The following CHAT variants were observed in gnomAD, a reference collection of about 807,000 sequenced individuals.
CHAT encodes the protein acetyl CoA:choline O-acetyltransferase.
Under a neutral mutation model 76.9 loss-of-function variants are expected in CHAT, and 61 were observed. The ratio of observed to expected loss-of-function variants is 0.79; its 90% CI spans 0.65 to 0.98. The LOEUF is 0.98. CHAT is among the 50% of genes least tolerant of loss of function. The pLI is 0.00. For synonymous variants in CHAT, 407 were observed against 397.4 expected, an observed-to-expected ratio of 1.02 and a Z score of -0.29; for missense variants, 946 against 986.9, an observed-to-expected ratio of 0.96 and a Z score of 0.56.
At chr10:49,650,411 A>G (rs1206298844) in intron 10 of CHAT, among the ~76,000 whole-genome samples, 1 of 152,196 alleles carries the variant, frequency 6.6e-6, no homozygotes, top group African/African-American at 2.4e-5. Flanking sequence ...ACAAAAATAT[A>G]GAAGCTGAAC....
intron 7 of CHAT, among the ~76,000 whole-genome samples, chr10:49,643,313 C>T (rs1289247526): frequency 6.6e-6 from 1 of 152,246 alleles, no homozygotes; most frequent in African/African-American, 2.4e-5. Context: ...CGATCACTCA[C>T]AAGCTCTGCT....
rs1014316815 is a variant in CHAT, at chr10:49,648,566, C to T, written c.1341C>T (p.Gly447=). ...GVVCEHSPFD[G]IVLVQCTEHL... The stretch of plus-strand genomic sequence containing the variant: ...TGTGCGAACACTCCCCATTCGATGG[C>T]ATCGTCCTGGTGCAGTGCACTGAGC... Residue 447 remains glycine, a synonymous_variant, in exon 9 of 15, where the codon GGC becomes GGT. Coordinates refer to ENST00000337653, the MANE Select transcript of CHAT (RefSeq NM_020549.5). 5.6e-6 allele frequency: 9 copies of T among 1,614,030 alleles called. No individual in the cohort carries two copies. Among genetic ancestry groups the T allele is most frequent in the Non-Finnish European group, 7.6e-6 (9 of 1,179,910 alleles).
At chr10:49,615,543 T>G (rs781597916) in intron 1 of CHAT, among the ~76,000 whole-genome samples, 37 of 151,706 alleles carry the variant, frequency 2.4e-4, no homozygotes, top group Non-Finnish European at 4.6e-4. Flanking sequence ...TGGGTAGGGG[T>G]GGTGTTGGGT....
At chr10:49,618,810 G>A (rs1838591979) in intron 2 of CHAT, among the ~76,000 whole-genome samples, 1 of 152,202 alleles carries the variant, frequency 6.6e-6, no homozygotes, top group African/African-American at 2.4e-5. Flanking sequence ...TTCCTCTTGG[G>A]AATTCCTCTG....
At chr10:49,612,268 G>T (rs1296215833), upstream of CHAT, 8 of 1,610,946 alleles carry the variant, frequency 5.0e-6, no homozygotes, top group Non-Finnish European at 6.8e-6. Flanking sequence ...CCAGGACGGC[G>T]AGCCTCGCAG....
At position 49,667,464 on chromosome 10, in the gene CHAT, G is replaced by A. The variant is rs537785421; in HGVS notation, c.*2418G>A. Among the ~76,000 whole-genome samples the A allele has an allele frequency of 6.6e-6, 1 of 152,338 alleles. No homozygotes were observed. The highest frequency in any genetic ancestry group is 2.1e-4 in the South Asian group (1 of 4,828). On this transcript the variant is annotated 3_prime_UTR_variant, in exon 15 of 15. Coordinates refer to ENST00000337653, the MANE Select transcript of CHAT (RefSeq NM_020549.5). The stretch of plus-strand genomic sequence containing the variant: ...ATGCACTGTGAGGGCTATGAGAAGC[G>A]CAAACAGTAAACGCTTGGCAGGAGG...
intron 7 of CHAT, among the ~76,000 whole-genome samples, chr10:49,639,326 T>G (rs752779134): frequency 1.3e-5 from 2 of 152,166 alleles, no homozygotes; most frequent in Non-Finnish European, 2.9e-5. Flanking sequence ...TTCTCTTAGT[T>G]TTCCTCATAT....
intron 7 of CHAT, among the ~76,000 whole-genome samples, chr10:49,633,438 G>C (rs1254091514): frequency 1.3e-5 from 2 of 152,162 alleles, no homozygotes; most frequent in African/African-American, 2.4e-5. Context: ...GGCTATGTCT[G>C]TCTCCTTTAG....
intron 13 of CHAT, among the ~76,000 whole-genome samples, chr10:49,658,667 C>T (rs578232192): frequency 6.6e-6 from 1 of 152,338 alleles, no homozygotes; most frequent in South Asian, 2.1e-4. Context: ...TGAGATTGCA[C>T]CACTGCACTC....
chr10:49,640,868 CT>C (rs1839456031), intron 7 of CHAT, among the ~76,000 whole-genome samples: 3 of 152,210 alleles, frequency 2.0e-5, no homozygotes, highest in Non-Finnish European at 4.4e-5. Context: ...TTGTTTTTAA[CT>C]ATACCCACTT....
intron 7 of CHAT, among the ~76,000 whole-genome samples, chr10:49,633,412 AC>A (rs1839190715): frequency 6.6e-6 from 1 of 151,954 alleles, no homozygotes; most frequent in Non-Finnish European, 1.5e-5. Context: ...TTTTATTCCC[AC>A]TGAACCGAGG....
upstream of CHAT, chr10:49,610,351 A>ACGGG (rs2132684403): frequency 5.1e-6 from 1 of 197,840 alleles, no homozygotes; most frequent in African/African-American, 2.3e-5. Flanking sequence ...GGCGGGGCTA[A>ACGGG]CGGGCGGGCA....
upstream of CHAT, chr10:49,610,620 AC>A: frequency 9.9e-7 from 1 of 1,013,110 alleles, no homozygotes; most frequent in Non-Finnish European, 1.4e-6. Context: ...CACCTGAGGC[AC>A]AGGGGAGTCT....
At chr10:49,653,073 G>C (rs951114887) in intron 11 of CHAT, among the ~76,000 whole-genome samples, 2 of 151,562 alleles carry the variant, frequency 1.3e-5, no homozygotes, top group East Asian at 3.9e-4. Flanking sequence ...CTATCCCCGC[G>C]ACCCTGACAT....
intron 5 of CHAT, among the ~76,000 whole-genome samples, chr10:49,622,967 G>A (rs1199650188): frequency 6.6e-6 from 1 of 152,182 alleles, no homozygotes; most frequent in Non-Finnish European, 1.5e-5. Context: ...CCCTTCCAGG[G>A]TAGGGCTGTT....
chr10:49,622,399 C>T (rs568378550), intron 5 of CHAT, among the ~76,000 whole-genome samples: 3 of 152,304 alleles, frequency 2.0e-5, no homozygotes, highest in Admixed American at 2.0e-4. Flanking sequence ...TCTCCTCCCT[C>T]CACACATACG....
intron 7 of CHAT, among the ~76,000 whole-genome samples, chr10:49,638,976 C>G (rs1183310329): frequency 6.6e-6 from 1 of 152,134 alleles, no homozygotes; most frequent in Non-Finnish European, 1.5e-5. Context: ...TGGCTCACGC[C>G]TGTAATCCCA....
chr10:49,660,019 A>G (rs1440944501), intron 13 of CHAT, among the ~76,000 whole-genome samples: 2 of 152,252 alleles, frequency 1.3e-5, no homozygotes, highest in African/African-American at 4.8e-5. Context: ...TACTTGCTTA[A>G]TTATACTTAT....
rs1455460144 is a variant in CHAT, at chr10:49,625,579, CA to C, written c.860del (p.Gln287ArgfsTer20). 1 of 1,610,762 alleles carries C rather than the reference CA, an allele frequency of 6.2e-7. No individual in the cohort carries two copies. Among genetic ancestry groups the C allele is most frequent in the African/African-American group, 1.3e-5 (1 of 74,888 alleles). ...FSSYRLPGHT[Q>X]DTLVAQNSSI... ...CTCCTACCGGCTCCCCGGCCATACC[CA>C]GGACACGCTGGTGGCTCAGAACAGC... On this transcript the variant is annotated frameshift_variant, in exon 6 of 15. Transcript: ENST00000337653. LOFTEE classifies it high-confidence loss of function.
Sources: gnomAD v4.1 joint callset for allele counts (sites outside exome capture counted in the v4.1 genomes callset) on GRCh38, gnomAD v4.1.1 for gene constraint, MANE v1.5 for transcripts, NCBI Gene and HGNC (gene_info 2026-07-23, HGNC 2026-07-21) for gene names.